The following MTRFR variants were observed in gnomAD, a reference collection of about 807,000 sequenced individuals.
The protein encoded by MTRFR is probable peptide chain release factor C12orf65, mitochondrial.
Under a neutral mutation model 11.9 loss-of-function variants are expected in MTRFR, and 10 were observed. The ratio of observed to expected loss-of-function variants is 0.84; its 90% CI spans 0.52 to 1.42. The LOEUF (loss-of-function observed/expected upper bound fraction) is 1.42. Among genes scored for constraint, MTRFR ranks in the 40% most tolerant of loss-of-function variants. The pLI is 0.00. For synonymous variants in MTRFR, 77 were observed against 79.1 expected (o/e 0.97, Z 0.14); for missense variants, 196 against 197.9 (o/e 0.99, Z 0.06).
intron 1 of MTRFR, chr12:123,249,686 G>A (rs370365840): frequency 1.9e-3 from 284 of 152,606 alleles, no homozygotes; most frequent in Non-Finnish European, 2.5e-3. Context: ...GAGGGAGCCC[G>A]CTTTGGCCTT....
rs375329890 is a variant in MTRFR at position 123,253,793 on chromosome 12, C to T, written c.119C>T (p.Pro40Leu). The T allele has an allele frequency of 2.0e-5, 32 of 1,614,056 alleles. No homozygotes were observed. Among genetic ancestry groups the T allele is most frequent in the Non-Finnish European group, 2.5e-5 (30 of 1,180,046 alleles). ...TLLSPGIAVT[P>L]VQMAGKKDYP... ...TTATCCCCAGGAATAGCTGTCACTC[C>T]GGTCCAGATGGCAGGCAAGAAGGAC... Residue 40 changes from proline (P) to leucine (L), a missense_variant, in exon 2 of 3, where the codon CCG becomes CTG. Transcript: ENST00000253233.
chr12:123,237,061 G>A (rs182029064), intron 1 of MTRFR, among the ~76,000 whole-genome samples: 1 of 152,044 alleles, frequency 6.6e-6, no homozygotes, highest in African/African-American at 2.4e-5. Flanking sequence ...GTCCAGGCTG[G>A]GTGACAGAGT....
At chr12:123,255,922 G>A (rs865780169) in intron 2 of MTRFR, among the ~76,000 whole-genome samples, 4 of 152,044 alleles carry the variant, frequency 2.6e-5, no homozygotes, top group South Asian at 2.1e-4. Flanking sequence ...CACCACGTCC[G>A]GCCATCCAAT....
At chr12:123,243,411 T>C (rs940554078) in intron 1 of MTRFR, among the ~76,000 whole-genome samples, 1 of 152,004 alleles carries the variant, frequency 6.6e-6, no homozygotes, top group Non-Finnish European at 1.5e-5. Flanking sequence ...ATGCCTGTAG[T>C]CCCAGCTACT....
intron 1 of MTRFR, chr12:123,251,683 T>C (rs925502460): frequency 1.8e-5 from 3 of 162,414 alleles, no homozygotes; most frequent in African/African-American, 7.2e-5. Flanking sequence ...CTCACAGTAT[T>C]TGGGGGTCTC....
rs1333709939 is a variant in MTRFR, at chr12:123,233,496, A to G, written c.-64A>G. 2 of 152,286 alleles carry G rather than the reference A, an allele frequency of 1.3e-5. No individual in the cohort carries two copies. The highest frequency in any genetic ancestry group is 2.4e-5 in the African/African-American group (1 of 41,474). 9.4% of individuals were successfully genotyped at this position (152,286 alleles called of 1,614,324 possible). The stretch of plus-strand genomic sequence containing the variant: ...CCGCTGAGGTGATTTGGATATCCCT[A>G]GAACGTTGAGGGCACGAGTCGGGTC... On this transcript the variant is annotated 5_prime_UTR_variant, in exon 1 of 3. Transcript: ENST00000253233.
chr12:123,255,181 G>A (rs2048169744), intron 2 of MTRFR: 1 of 152,136 alleles, frequency 6.6e-6, no homozygotes, highest in African/African-American at 2.4e-5. Context: ...TGGAATCTGG[G>A]ACATAGAGAG....
At chr12:123,237,918 C>T (rs998443228) in intron 1 of MTRFR, among the ~76,000 whole-genome samples, 69 of 147,488 alleles carry the variant, frequency 4.7e-4, no homozygotes, top group African/African-American at 1.6e-3. Context: ...TTTTTTGAGA[C>T]GGAGTCTCAC....
chr12:123,256,254 G>C (rs1202376985), intron 2 of MTRFR, among the ~76,000 whole-genome samples: 1 of 152,188 alleles, frequency 6.6e-6, no homozygotes, highest in Non-Finnish European at 1.5e-5. Flanking sequence ...TACATCAGTT[G>C]ATACTTTCAT....
At chr12:123,253,549 C>G in intron 1 of MTRFR, 98 bp from the exon 2 acceptor site, 5 of 1,196,510 alleles carry the variant, frequency 4.2e-6, no homozygotes, top group Non-Finnish European at 6.1e-6. Flanking sequence ...GATGGGTCAT[C>G]ATTTGAATTG....
chr12:123,236,391 C>T (rs920200717), intron 1 of MTRFR, among the ~76,000 whole-genome samples: 2 of 151,524 alleles, frequency 1.3e-5, no homozygotes, highest in African/African-American at 4.9e-5. Context: ...CCCATGAGTT[C>T]GAGACCTGCC....
chr12:123,247,372 C>A (rs1157322466), intron 1 of MTRFR, among the ~76,000 whole-genome samples: 1 of 152,126 alleles, frequency 6.6e-6, no homozygotes, highest in Non-Finnish European at 1.5e-5. Flanking sequence ...GTGATATTAT[C>A]CTGTGACAAG....
In MTRFR at chr12:123,257,130, G is replaced by T; in HGVS notation, c.*99G>T. Reference sequence around the variant, plus strand: ...CCAGCATTATTATAGTGCTTCAAAAGAAATATTTTTGATGAACTTAAAAGA... The same window carrying T: ...CCAGCATTATTATAGTGCTTCAAAATAAATATTTTTGATGAACTTAAAAGA... On this transcript the variant is annotated 3_prime_UTR_variant, in exon 3 of 3. Transcript: ENST00000253233. The T allele has an allele frequency of 2.1e-6, 2 of 944,944 alleles. No individual in the cohort carries two copies. Among genetic ancestry groups the T allele is most frequent in the South Asian group, 2.8e-5 (2 of 70,994 alleles). The allele number at this position is 944,944 out of a possible 1,614,324, so 58.5% of individuals were successfully genotyped here.
intron 2 of MTRFR, chr12:123,254,200 G>T (rs1434147567): frequency 1.9e-6 from 1 of 528,896 alleles, no homozygotes; most frequent in South Asian, 2.3e-5. Flanking sequence ...TGGAGCCAGG[G>T]TATGGCTGCC....
In MTRFR at chr12:123,246,709, A is replaced by ATTTTTT. The variant is rs1157677577; in HGVS notation, c.-28-6904_-28-6899dup. On this transcript the variant is annotated intron_variant, in intron 1 of 2. Transcript: ENST00000253233. ...TGAGAGAGTGCTTGATATAATTTCAATTTTTTTTTTTTTTTTTTTTTTTTT... is the reference window on the plus strand; with the variant it reads ...TGAGAGAGTGCTTGATATAATTTCAATTTTTTTTTTTTTTTTTTTTTTTTTTTTTTT... 2.1e-4 allele frequency among the ~76,000 whole-genome samples: 11 copies of ATTTTTT among 53,520 alleles called. 1 individual carries two copies. The highest frequency in any genetic ancestry group is 1.0e-3 in the African/African-American group (11 of 10,672). 35.1% of individuals were successfully genotyped at this position (53,520 alleles called of 152,430 possible).
chr12:123,246,824 G>A (rs1222035217), intron 1 of MTRFR, among the ~76,000 whole-genome samples: 8 of 135,210 alleles, frequency 5.9e-5, no homozygotes, highest in Admixed American at 2.6e-4. Flanking sequence ...TCCACCTCCC[G>A]GGTTCACGCC....
chr12:123,250,503 G>A (rs2048099587), intron 1 of MTRFR: 1 of 152,200 alleles, frequency 6.6e-6, no homozygotes, highest in African/African-American at 2.4e-5. Flanking sequence ...CAGAGGGAAG[G>A]TCTAGGGCTG....
chr12:123,253,481 GA>G, intron 1 of MTRFR, 165 bp from the exon 2 acceptor site: 2 of 659,390 alleles, frequency 3.0e-6, no homozygotes, highest in Non-Finnish European at 5.3e-6. Context: ...AGGCTGAGGA[GA>G]GGGGCGTCTT....
intron 1 of MTRFR, among the ~76,000 whole-genome samples, chr12:123,251,743 CTCAGGATT>C (rs1347870327): frequency 6.6e-6 from 1 of 152,184 alleles, no homozygotes; most frequent in Non-Finnish European, 1.5e-5. Context: ...TGTGGGTCCT[CTCAGGATT>C]GCTGGTTTGT....
Sources: gnomAD v4.1 joint callset for allele counts (sites outside exome capture counted in the v4.1 genomes callset) on GRCh38, gnomAD v4.1.1 for gene constraint, MANE v1.5 for transcripts, NCBI Gene and HGNC (gene_info 2026-07-23, HGNC 2026-07-21) for gene names.